Variants in DCAF6 observed in about 807,000 individuals in gnomAD.
The protein encoded by DCAF6 is DDB1 and CUL4 associated factor 6.
DCAF6 carries 54 observed loss-of-function variants against 125.1 expected under a neutral mutation model. That is an observed-to-expected ratio of 0.43 (90% CI 0.35 to 0.54). The LOEUF (loss-of-function observed/expected upper bound fraction) is 0.54, where lower values mean the gene tolerates loss of function less well. DCAF6 is among the 20% of genes least tolerant of loss of function. DCAF6 has a pLI of 0.01. For missense variants in DCAF6, 934 were observed against 1,161.7 expected (o/e 0.80, Z 2.85); for synonymous variants, 371 against 390.4 (o/e 0.95, Z 0.58).
the DCAF6 span, chr1:167,904,638 T>C: frequency 1.8e-6 from 1 of 557,062 alleles, no homozygotes; most frequent in Non-Finnish European, 3.2e-6. Flanking sequence ...ATTAGTAAGA[T>C]GTAAACATCA....
At position 168,045,054 on chromosome 1, in the gene DCAF6, T is replaced by C; in HGVS notation, c.2085T>C (p.Ser695=). ...PETSDQTSTE[S]ATNENNTNPE... ...CTTCAGATCAGACTAGCACTGAGAGTGCTACCAATGAAAATAACACCAATC... is the reference window on the plus strand; with the variant it reads ...CTTCAGATCAGACTAGCACTGAGAGCGCTACCAATGAAAATAACACCAATC... The change falls in exon 16 of 22, where the codon AGT becomes AGC. Residue 695 remains serine (S), a synonymous_variant. Transcript: ENST00000367840. The C allele has an allele frequency of 6.2e-7, 1 of 1,613,792 alleles. No individual in the cohort carries two copies. The highest frequency in any genetic ancestry group is 2.2e-5 in the East Asian group (1 of 44,862).
intron 10 of DCAF6, among the ~76,000 whole-genome samples, chr1:168,013,086 G>A (rs1413530909): frequency 6.6e-6 from 1 of 152,098 alleles, no homozygotes; most frequent in African/African-American, 2.4e-5. Flanking sequence ...CTTTATGGCT[G>A]TATAATAATG....
intron 13 of DCAF6, among the ~76,000 whole-genome samples, chr1:168,039,646 A>G (rs935043931): frequency 8.1e-5 from 12 of 147,666 alleles, no homozygotes; most frequent in Non-Finnish European, 1.5e-4. Context: ...TTTAATGACA[A>G]TATATTAATT....
intron 1 of DCAF6, among the ~76,000 whole-genome samples, chr1:167,940,571 G>A (rs1219359583): frequency 6.6e-6 from 1 of 151,584 alleles, no homozygotes. Context: ...ATGTTTAAAT[G>A]TAATAGTTTC....
At chr1:167,909,995 G>T in the DCAF6 span, among the ~76,000 whole-genome samples, 1 of 152,128 alleles carries the variant, frequency 6.6e-6, no homozygotes, top group African/African-American at 2.4e-5. Flanking sequence ...GCTATCTACA[G>T]ATCTCAATCT....
At chr1:168,049,720 A>G (rs533624656) in intron 16 of DCAF6, among the ~76,000 whole-genome samples, 88 of 133,196 alleles carry the variant, frequency 6.6e-4, no homozygotes, top group East Asian at 6.4e-4. Context: ...CAGTGGGGCA[A>G]TCTTGGCTCA....
the DCAF6 span, chr1:167,896,507 C>T: frequency 9.3e-6 from 10 of 1,070,342 alleles, no homozygotes; most frequent in East Asian, 1.7e-4. Context: ...GAGGAGCCCA[C>T]CCACCAGTAA....
intron 16 of DCAF6, among the ~76,000 whole-genome samples, chr1:168,045,803 A>G (rs1689091201): frequency 6.6e-6 from 1 of 152,178 alleles, no homozygotes; most frequent in South Asian, 2.1e-4. Flanking sequence ...TCTATATTTT[A>G]TGTGATCACA....
intron 5 of DCAF6, among the ~76,000 whole-genome samples, chr1:167,989,444 A>G (rs985816687): frequency 6.6e-6 from 1 of 152,248 alleles, no homozygotes; most frequent in Admixed American, 6.5e-5. Context: ...AGCAGAGAGT[A>G]TAAAGAAAAA....
At chr1:167,902,190 T>C in the DCAF6 span, 4 of 901,860 alleles carry the variant, frequency 4.4e-6, no homozygotes, top group East Asian at 7.4e-5. Flanking sequence ...AAAGATCTCA[T>C]CCCAGACAAG....
rs189502310 is a variant in DCAF6, at chr1:168,022,674, A to C, written c.1550-314A>C. Among the ~76,000 whole-genome samples the C allele has an allele frequency of 2.9e-3, 443 of 151,514 alleles. 2 individuals are homozygous for C. The highest frequency in any genetic ancestry group is 7.7e-3 in the Admixed American group (117 of 15,226). On this transcript the variant is annotated intron_variant, in intron 11 of 21. Coordinates refer to ENST00000367840, the MANE Select transcript of DCAF6 (RefSeq NM_001198956.2). Reference sequence around the variant, plus strand: ...TTGAGAAGGGCAAGGAGTCTTGTGTAGTGAACTAGATACCCCATTTCTAAT... The same window carrying C: ...TTGAGAAGGGCAAGGAGTCTTGTGTCGTGAACTAGATACCCCATTTCTAAT...
intron 7 of DCAF6, among the ~76,000 whole-genome samples, chr1:167,998,103 A>G (rs891257204): frequency 6.6e-6 from 1 of 152,142 alleles, no homozygotes; most frequent in African/African-American, 2.4e-5. Flanking sequence ...TCTTGGAGAT[A>G]TTGCAGGTTT....
intron 2 of DCAF6, among the ~76,000 whole-genome samples, chr1:167,953,005 T>G (rs1014226506): frequency 7.2e-5 from 11 of 152,212 alleles, no homozygotes; most frequent in African/African-American, 2.7e-4. Context: ...AGATCCGCCT[T>G]GCTGAAGATA....
At chr1:167,908,912 T>C in the DCAF6 span, among the ~76,000 whole-genome samples, 1 of 152,364 alleles carries the variant, frequency 6.6e-6, no homozygotes, top group Non-Finnish European at 1.5e-5. Flanking sequence ...AAAAAACTTT[T>C]ATTGAAGCAT....
chr1:167,984,000 G>C (rs1679579493), intron 4 of DCAF6, among the ~76,000 whole-genome samples: 1 of 152,162 alleles, frequency 6.6e-6, no homozygotes, highest in African/African-American at 2.4e-5. Flanking sequence ...CGAAGTTACT[G>C]TTTTTTACAA....
At chr1:167,884,537 A>G in the DCAF6 span, among the ~76,000 whole-genome samples, 1 of 152,058 alleles carries the variant, frequency 6.6e-6, no homozygotes, top group East Asian at 1.9e-4. Context: ...TTTTTACTAT[A>G]GTTACCCTGT....
chr1:167,937,580 C>T lies in DCAF6; in HGVS notation c.97+572C>T, dbSNP rs568630909. On this transcript the variant is annotated intron_variant, in intron 1 of 21. Coordinates refer to ENST00000367840, the MANE Select transcript of DCAF6 (RefSeq NM_001198956.2). ...CCCCGCGCGCTCTCCCAGTTCCACT[C>T]TGCTCTTCAGTTCGTTTTGACCGCT... 2.9e-4 allele frequency among the ~76,000 whole-genome samples: 44 copies of T among 152,280 alleles called. No individual in the cohort carries two copies. The Middle Eastern group carries it at 0.014, about 47-fold the overall frequency.
At chr1:167,872,748 G>A in the DCAF6 span, among the ~76,000 whole-genome samples, 4 of 149,166 alleles carry the variant, frequency 2.7e-5, no homozygotes, top group Non-Finnish European at 5.9e-5. Flanking sequence ...GGTGGAATCA[G>A]TGCAAAAGGG....
the DCAF6 span, among the ~76,000 whole-genome samples, chr1:167,886,786 A>G: frequency 2.6e-5 from 4 of 152,256 alleles, no homozygotes; most frequent in Non-Finnish European, 1.5e-5. Context: ...AATTTTTACA[A>G]TCTACCCATC....
Sources: gnomAD v4.1 joint callset for allele counts (sites outside exome capture counted in the v4.1 genomes callset) on GRCh38, gnomAD v4.1.1 for gene constraint, MANE v1.5 for transcripts, NCBI Gene and HGNC (gene_info 2026-07-23, HGNC 2026-07-21) for gene names.